CRB1: variants seen among roughly 807,000 people sequenced by gnomAD.
CRB1 encodes protein crumbs homolog 1.
CRB1 carries 83 observed loss-of-function variants against 120.0 expected under a neutral mutation model. The observed-to-expected ratio is 0.69, with a 90% CI of 0.58 to 0.83. The LOEUF (loss-of-function observed/expected upper bound fraction) is 0.83. Among genes scored for constraint, CRB1 ranks in the 40% least tolerant of loss-of-function variants. CRB1 has a pLI of 0.00. For synonymous variants in CRB1, 625 were observed against 612.5 expected (o/e 1.02, Z -0.30); for missense variants, 1,699 against 1,687.6 (o/e 1.01, Z -0.12).
chr1:197,372,954 C>T (rs1196719448), intron 5 of CRB1, among the ~76,000 whole-genome samples: 2 of 152,050 alleles, frequency 1.3e-5, no homozygotes, highest in Non-Finnish European at 1.5e-5. Context: ...TCAGCTAGAC[C>T]ATACAATTGT....
At chr1:197,371,195 G>T (rs1661352518) in intron 5 of CRB1, among the ~76,000 whole-genome samples, 1 of 151,912 alleles carries the variant, frequency 6.6e-6, no homozygotes, top group Non-Finnish European at 1.5e-5. Flanking sequence ...TATACCTTCG[G>T]CTCACCTGAT....
At chr1:197,403,345 A>C (rs1663164705) in intron 5 of CRB1, among the ~76,000 whole-genome samples, 1 of 152,170 alleles carries the variant, frequency 6.6e-6, no homozygotes, top group Non-Finnish European at 1.5e-5. Context: ...TCAGTTCCAA[A>C]GAATAATCCT....
intron 9 of CRB1, among the ~76,000 whole-genome samples, chr1:197,437,774 C>G (rs2125504742): frequency 6.6e-6 from 1 of 152,216 alleles, no homozygotes; most frequent in East Asian, 1.9e-4. Context: ...TTTACACTTC[C>G]TGAATATTTA....
the CRB1 span, among the ~76,000 whole-genome samples, chr1:197,230,602 C>G: frequency 6.6e-6 from 1 of 152,122 alleles, no homozygotes; most frequent in Non-Finnish European, 1.5e-5. Context: ...CTCTTCACTT[C>G]TGGTTGCTCT....
At chr1:197,235,834 A>T in the CRB1 span, among the ~76,000 whole-genome samples, 1 of 152,242 alleles carries the variant, frequency 6.6e-6, no homozygotes, top group Non-Finnish European at 1.5e-5. Flanking sequence ...TATATGATCC[A>T]AGGATCATTT....
At chr1:197,314,144 A>T (rs12038839) in intron 1 of CRB1, among the ~76,000 whole-genome samples, 1 of 152,148 alleles carries the variant, frequency 6.6e-6, no homozygotes, top group Non-Finnish European at 1.5e-5. Flanking sequence ...TCCCTCTGGT[A>T]CTGCAATTAT....
chr1:197,469,223 A>C (rs902626466), intron 11 of CRB1, among the ~76,000 whole-genome samples: 1 of 152,180 alleles, frequency 6.6e-6, no homozygotes, highest in Non-Finnish European at 1.5e-5. Context: ...CTGTCTCAAA[A>C]TAAATAAATA....
chr1:197,219,422 T>C, the CRB1 span, among the ~76,000 whole-genome samples: 1 of 152,216 alleles, frequency 6.6e-6, no homozygotes, highest in African/African-American at 2.4e-5. Flanking sequence ...CTGATAGTAA[T>C]AGTATGTACA....
the CRB1 span, among the ~76,000 whole-genome samples, chr1:197,214,812 C>T: frequency 6.6e-6 from 1 of 151,732 alleles, no homozygotes. Flanking sequence ...AAAGAAATAC[C>T]TCCAAACTCT....
chr1:197,419,179 A>G (rs1664156857), intron 5 of CRB1, among the ~76,000 whole-genome samples: 1 of 152,226 alleles, frequency 6.6e-6, no homozygotes, highest in Non-Finnish European at 1.5e-5. Flanking sequence ...ACCTGCTCAC[A>G]ATCAAGCAGC....
intron 1 of CRB1, among the ~76,000 whole-genome samples, chr1:197,311,377 C>T (rs544284028): frequency 6.6e-6 from 1 of 152,184 alleles, no homozygotes; most frequent in South Asian, 2.1e-4. Context: ...ATTACCAGAG[C>T]CTGCAGGGTG....
chr1:197,217,757 C>T, the CRB1 span, among the ~76,000 whole-genome samples: 1 of 152,030 alleles, frequency 6.6e-6, no homozygotes, highest in African/African-American at 2.4e-5. Flanking sequence ...TTTGCACAAC[C>T]TCACAAACAT....
chr1:197,442,407 G>C (rs1665497962), intron 11 of CRB1, 115 bp downstream of exon 11: 2 of 1,603,184 alleles, frequency 1.2e-6, no homozygotes, highest in Non-Finnish European at 1.7e-6. Flanking sequence ...GGGTGAACAG[G>C]AAGATTATTA....
At chr1:197,415,866 T>G (rs1663972364) in intron 5 of CRB1, among the ~76,000 whole-genome samples, 1 of 152,058 alleles carries the variant, frequency 6.6e-6, no homozygotes, top group Non-Finnish European at 1.5e-5. Context: ...ATGGTCTCGA[T>G]CTCCTGATCT....
chr1:197,425,602 G>T (rs965844206), intron 6 of CRB1, among the ~76,000 whole-genome samples: 1 of 151,988 alleles, frequency 6.6e-6, no homozygotes, highest in Non-Finnish European at 1.5e-5. Flanking sequence ...CAAAATCAAT[G>T]GTCAATTCTG....
At chr1:197,253,525 C>T in the CRB1 span, among the ~76,000 whole-genome samples, 1 of 151,996 alleles carries the variant, frequency 6.6e-6, no homozygotes, top group Non-Finnish European at 1.5e-5. Context: ...CATTTGTTTT[C>T]CCCAAACCTG....
At chr1:197,464,516 T>C (rs143451968) in intron 11 of CRB1, among the ~76,000 whole-genome samples, 2 of 151,994 alleles carry the variant, frequency 1.3e-5, no homozygotes, top group African/African-American at 4.8e-5. Flanking sequence ...GTTTGGGGTA[T>C]GGGAAAAAGT....
chr1:197,413,205 CT>C (rs1277752893), intron 5 of CRB1, among the ~76,000 whole-genome samples: 1 of 152,228 alleles, frequency 6.6e-6, no homozygotes, highest in Non-Finnish European at 1.5e-5. Context: ...AAAAGAATCA[CT>C]TTTTTTGTTT....
upstream of CRB1, among the ~76,000 whole-genome samples, chr1:197,266,010 G>A (rs182557390): frequency 3.9e-5 from 6 of 152,250 alleles, no homozygotes; most frequent in Admixed American, 2.6e-4. Context: ...TGGATTTGCT[G>A]AGTCTTATTT....
Sources: gnomAD v4.1 joint callset for allele counts (sites outside exome capture counted in the v4.1 genomes callset) on GRCh38, gnomAD v4.1.1 for gene constraint, MANE v1.5 for transcripts, NCBI Gene and HGNC (gene_info 2026-07-23, HGNC 2026-07-21) for gene names.